Variants in ALCAM observed in about 807,000 individuals in gnomAD.
The protein encoded by ALCAM is activated leukocyte cell adhesion molecule.
A neutral mutation model predicts 70.9 loss-of-function variants in ALCAM; 30 were observed. The ratio of observed to expected loss-of-function variants is 0.42; its 90% CI spans 0.32 to 0.57. The LOEUF (loss-of-function observed/expected upper bound fraction) is 0.57, where lower values mean the gene tolerates loss of function less well. ALCAM is among the 20% of genes least tolerant of loss of function. The pLI is 0.11. For synonymous variants in ALCAM, 249 were observed against 242.5 expected (o/e 1.03, Z -0.25); for missense variants, 591 against 695.1 (o/e 0.85, Z 1.68).
chr3:105,464,286 T>A (rs1381913729), intron 1 of ALCAM, among the ~76,000 whole-genome samples: 5 of 151,312 alleles, frequency 3.3e-5, no homozygotes, highest in Admixed American at 6.6e-5. Flanking sequence ...TTAATATTTT[T>A]ATATTGTGCA....
intron 1 of ALCAM, among the ~76,000 whole-genome samples, chr3:105,433,276 G>C (rs568350224): frequency 6.6e-6 from 1 of 152,070 alleles, no homozygotes; most frequent in African/African-American, 2.4e-5. Flanking sequence ...TTCAGTATGC[G>C]TTTTCCAGTC....
chr3:105,519,439 T>A (rs971318924), intron 1 of ALCAM, among the ~76,000 whole-genome samples: 2 of 152,076 alleles, frequency 1.3e-5, no homozygotes, highest in African/African-American at 4.8e-5. Context: ...TTATGAAGCA[T>A]GTTCATACTA....
At chr3:105,406,909 C>G (rs1209962499) in intron 1 of ALCAM, among the ~76,000 whole-genome samples, 2 of 152,106 alleles carry the variant, frequency 1.3e-5, no homozygotes, top group Admixed American at 6.5e-5. Flanking sequence ...AAAGGTCATT[C>G]AAGACGACTA....
At chr3:105,536,398 ATTCT>A (rs1939971747) in intron 6 of ALCAM, among the ~76,000 whole-genome samples, 1 of 152,090 alleles carries the variant, frequency 6.6e-6, no homozygotes, top group African/African-American at 2.4e-5. Context: ...CCGGCCCAGA[ATTCT>A]TTCTGTTAGA....
At chr3:105,479,738 G>C (rs545521311) in intron 1 of ALCAM, among the ~76,000 whole-genome samples, 1 of 152,188 alleles carries the variant, frequency 6.6e-6, no homozygotes, top group South Asian at 2.1e-4. Flanking sequence ...GCATCTGCTT[G>C]TCAGTTTCAT....
intron 14 of ALCAM, among the ~76,000 whole-genome samples, chr3:105,567,703 TTAAG>T (rs1940774633): frequency 1.3e-5 from 2 of 152,216 alleles, no homozygotes; most frequent in Admixed American, 6.5e-5. Context: ...CTTTAAGCCA[TTAAG>T]TGAGTATTAT....
chr3:105,368,264 A>AGAGAGAGAGAG (rs1559767087), intron 1 of ALCAM, among the ~76,000 whole-genome samples: 243 of 141,974 alleles, frequency 1.7e-3, no homozygotes, highest in East Asian at 3.0e-3. Flanking sequence ...AGAGAGAGAG[A>AGAGAGAGAGAG]AAAGGCAAAA....
intron 1 of ALCAM, among the ~76,000 whole-genome samples, chr3:105,390,952 A>G (rs1221573214): frequency 2.0e-5 from 3 of 151,982 alleles, no homozygotes; most frequent in Non-Finnish European, 2.9e-5. Context: ...CCATTGGTCT[A>G]TGTATCTATT....
chr3:105,389,385 T>TG (rs1405393613), intron 1 of ALCAM, among the ~76,000 whole-genome samples: 3 of 136,202 alleles, frequency 2.2e-5, no homozygotes, highest in Non-Finnish European at 4.8e-5. Context: ...TTTTTTTTTT[T>TG]TTTTTTTTTT....
chr3:105,444,809 A>C (rs1344679056), intron 1 of ALCAM, among the ~76,000 whole-genome samples: 1 of 152,162 alleles, frequency 6.6e-6, no homozygotes, highest in Non-Finnish European at 1.5e-5. Flanking sequence ...TTAAATAATC[A>C]CTAATGCAGT....
At chr3:105,415,461 T>C (rs1168006120) in intron 1 of ALCAM, among the ~76,000 whole-genome samples, 1 of 152,092 alleles carries the variant, frequency 6.6e-6, no homozygotes, top group Admixed American at 6.6e-5. Flanking sequence ...GAAATAAACA[T>C]TTCTGTCCAC....
intron 6 of ALCAM, among the ~76,000 whole-genome samples, chr3:105,536,231 T>G (rs1939965911): frequency 6.6e-6 from 1 of 151,782 alleles, no homozygotes; most frequent in African/African-American, 2.4e-5. Context: ...GTAGCTGGGA[T>G]TAGAAGCGCA....
At chr3:105,481,209 A>T (rs1938260812) in intron 1 of ALCAM, among the ~76,000 whole-genome samples, 1 of 152,146 alleles carries the variant, frequency 6.6e-6, no homozygotes, top group East Asian at 1.9e-4. Context: ...CTAATAAAGC[A>T]AATGCCACTA....
intron 1 of ALCAM, among the ~76,000 whole-genome samples, chr3:105,391,102 T>G (rs779749853): frequency 1.3e-5 from 2 of 152,090 alleles, no homozygotes; most frequent in Non-Finnish European, 2.9e-5. Flanking sequence ...CCATATGAAG[T>G]TTAAAGTAGT....
intron 14 of ALCAM, among the ~76,000 whole-genome samples, chr3:105,567,937 C>T (rs936670338): frequency 6.6e-6 from 1 of 152,000 alleles, no homozygotes; most frequent in Non-Finnish European, 1.5e-5. Context: ...AATTAGATTA[C>T]TGGCTAATTA....
chr3:105,533,029 G>T (rs1456637856), intron 4 of ALCAM, among the ~76,000 whole-genome samples: 2 of 152,038 alleles, frequency 1.3e-5, no homozygotes, highest in African/African-American at 2.4e-5. Context: ...TTCCTTTGTT[G>T]GGAGATGGAA....
At chr3:105,463,773 G>T (rs1032250055) in intron 1 of ALCAM, among the ~76,000 whole-genome samples, 2 of 151,326 alleles carry the variant, frequency 1.3e-5, no homozygotes, top group African/African-American at 4.8e-5. Context: ...TGTGGATTCA[G>T]AGACATAATA....
intron 1 of ALCAM, among the ~76,000 whole-genome samples, chr3:105,422,256 GGTGGTTCC>G (rs1936686917): frequency 6.6e-6 from 1 of 151,282 alleles, no homozygotes; most frequent in African/African-American, 2.4e-5. Context: ...AGGCACTTAG[GGTGGTTCC>G]ATATCCTTGT....
At chr3:105,557,482 A>G (rs114315194) in intron 14 of ALCAM, among the ~76,000 whole-genome samples, 126 of 152,228 alleles carry the variant, frequency 8.3e-4, no homozygotes, top group Non-Finnish European at 1.5e-3. Flanking sequence ...ATCAAAATAT[A>G]ATGTGTTCAT....
Sources: gnomAD v4.1 joint callset for allele counts (sites outside exome capture counted in the v4.1 genomes callset) on GRCh38, gnomAD v4.1.1 for gene constraint, MANE v1.5 for transcripts, NCBI Gene and HGNC (gene_info 2026-07-23, HGNC 2026-07-21) for gene names.